The following SCN9A variants were observed in gnomAD, a reference collection of about 807,000 sequenced individuals.
SCN9A encodes the protein sodium channel protein type 9 subunit alpha.
A neutral mutation model predicts 187.0 loss-of-function variants in SCN9A; 131 were observed. The ratio of observed to expected loss-of-function variants is 0.70; its 90% CI spans 0.61 to 0.81. SCN9A has a LOEUF of 0.81. Ranked by LOEUF, SCN9A falls within the 30% of genes least tolerant of loss-of-function variation. The probability of loss-of-function intolerance (pLI) is 0.00; values close to 1 mark genes in which losing one functional copy is unlikely to be tolerated. For missense variants in SCN9A, 2,252 were observed against 2,396.6 expected (o/e 0.94, Z 1.26); for synonymous variants, 809 against 808.6 (o/e 1.00, Z -0.01).
rs1165318441 is a variant in SCN9A, at chr2:166,277,008, A to T, written c.2849T>A (p.Met950Lys). ...CACCAGGTTTCCAATGACCATGACC[A>T]TCATGTAAACAATAAGGCACATAGC... ...GQAMCLIVYM[M>K]VMVIGNLVVL... Residue 950 changes from methionine to lysine, a missense_variant, in exon 16 of 27, where the codon ATG becomes AAG. By Grantham distance (95) the Met-to-Lys change is moderately conservative. Coordinates refer to ENST00000642356, the MANE Select transcript of SCN9A (RefSeq NM_001365536.1). 2.5e-6 allele frequency: 4 copies of T among 1,613,690 alleles called. No individual in the cohort carries two copies. In the South Asian group the frequency reaches 3.3e-5, roughly 13 times the overall value.
intron 26 of SCN9A, 116 bp from the exon 27 acceptor site, chr2:166,199,980 T>TTTTTTTTTTTTTTTTTTTTTTTTTTTC: frequency 4.1e-6 from 1 of 241,832 alleles, no homozygotes; most frequent in African/African-American, 8.2e-5. Context: ...AGACAGTTTT[T>TTTTTTTTTTTTTTTTTTTTTTTTTTTC]TTTTTTTTTT....
chr2:166,198,031 AC>A lies in SCN9A; in HGVS notation c.*640del, dbSNP rs1356370616. 2 of 152,208 alleles carry A rather than the reference AC, an allele frequency of 1.3e-5. No individual in the cohort carries two copies. The highest frequency in any genetic ancestry group is 2.9e-5 in the Non-Finnish European group (2 of 68,022). 9.4% of individuals were successfully genotyped at this position (152,208 alleles called of 1,614,324 possible). A position where few individuals can be genotyped will look rare whatever the true frequency, so the allele number is the denominator to read the frequency against. Reference sequence around the variant, plus strand: ...GCATGTGAGTCAAGATGAATGAAAAACATTTGTAGAAATGAATAGCCTACAT... The same window carrying A: ...GCATGTGAGTCAAGATGAATGAAAAAATTTGTAGAAATGAATAGCCTACAT... On this transcript the variant is annotated 3_prime_UTR_variant, in exon 27 of 27. Transcript: ENST00000642356.
At chr2:166,237,422 T>C (rs1246024674) in intron 20 of SCN9A, among the ~76,000 whole-genome samples, 1 of 152,104 alleles carries the variant, frequency 6.6e-6, no homozygotes, top group East Asian at 1.9e-4. Flanking sequence ...TTGAATTTAT[T>C]ATCTAAAATT....
At chr2:166,371,358 C>T (rs994607531) in intron 1 of SCN9A, among the ~76,000 whole-genome samples, 3 of 152,256 alleles carry the variant, frequency 2.0e-5, no homozygotes, top group African/African-American at 4.8e-5. Flanking sequence ...CTCTTCCTTC[C>T]CCACTTTATC....
chr2:166,297,235 G>T, intron 7 of SCN9A, among the ~76,000 whole-genome samples: 2 of 84,366 alleles, frequency 2.4e-5, no homozygotes, highest in Admixed American at 2.4e-4. Context: ...AAAGAACCAT[G>T]ACTCAGTAAT....
chr2:166,198,708 T>C lies in SCN9A; in HGVS notation c.5931A>G (p.Glu1977=). The C allele has an allele frequency of 6.2e-7, 1 of 1,608,038 alleles. No individual in the cohort carries two copies. Among genetic ancestry groups the C allele is most frequent in the Non-Finnish European group, 8.5e-7 (1 of 1,177,698 alleles). ...EKYEQDRTEK[E]DKGKDSKESK... The stretch of plus-strand genomic sequence containing the variant: ...TTTCCTTGCTGTCTTTCCCTTTGTC[T>C]TCCTTTTCTGTTCTGTCTTGTTCAT... Residue 1977 remains glutamate, a synonymous_variant, in exon 27 of 27, where the codon GAA becomes GAG. Transcript: ENST00000642356.
intron 1 of SCN9A, among the ~76,000 whole-genome samples, chr2:166,324,672 C>G (rs1699322458): frequency 1.3e-5 from 2 of 152,092 alleles, no homozygotes; most frequent in South Asian, 2.1e-4. Flanking sequence ...TGAGAATGGC[C>G]TTTTACATAT....
At chr2:166,245,553 A>G (rs1558979393) in intron 18 of SCN9A, among the ~76,000 whole-genome samples, 1 of 151,956 alleles carries the variant, frequency 6.6e-6, no homozygotes, top group Non-Finnish European at 1.5e-5. Context: ...GAAACATTGA[A>G]AAATTTTAAT....
intron 16 of SCN9A, among the ~76,000 whole-genome samples, chr2:166,273,284 T>C (rs1057386322): frequency 6.6e-6 from 1 of 152,174 alleles, no homozygotes; most frequent in African/African-American, 2.4e-5. Flanking sequence ...GAGAAACAGG[T>C]AGAACAAAAC....
In SCN9A at chr2:166,198,619, A is replaced by G. The variant is rs1693315882; in HGVS notation, c.*53T>C. On this transcript the variant is annotated 3_prime_UTR_variant, in exon 27 of 27. Transcript: ENST00000642356. Reference sequence around the variant, plus strand: ...TAGACTTCCTCAAAAGAGTTTTATTAACACAAATAAATCACTTTCACAGGC... The same window carrying G: ...TAGACTTCCTCAAAAGAGTTTTATTGACACAAATAAATCACTTTCACAGGC... The G allele has an allele frequency of 1.5e-6, 2 of 1,331,208 alleles. No individual in the cohort carries two copies. The highest frequency in any genetic ancestry group is 1.5e-5 in the African/African-American group (1 of 67,578). The allele number at this position is 1,331,208 out of a possible 1,614,324, so 82.5% of individuals were successfully genotyped here. A position where few individuals can be genotyped will look rare whatever the true frequency, so the allele number is the denominator to read the frequency against.
chr2:166,244,606 C>A (rs1023628659), intron 18 of SCN9A, among the ~76,000 whole-genome samples: 1 of 151,936 alleles, frequency 6.6e-6, no homozygotes, highest in African/African-American at 2.4e-5. Flanking sequence ...TCTCTTCTTT[C>A]TGGACGGTGG....
chr2:166,375,231 T>C (rs896979252), intron 1 of SCN9A, among the ~76,000 whole-genome samples: 1 of 152,188 alleles, frequency 6.6e-6, no homozygotes, highest in African/African-American at 2.4e-5. Flanking sequence ...GGTTCTTTTC[T>C]GTCCCCACAG....
At chr2:166,228,516 CA>C (rs1260616125) in intron 22 of SCN9A, among the ~76,000 whole-genome samples, 174 bp downstream of exon 22, 1 of 151,996 alleles carries the variant, frequency 6.6e-6, no homozygotes, top group African/African-American at 2.4e-5. Context: ...CTTGGCCTCC[CA>C]AAGTGAAGAG....
At chr2:166,367,599 T>C (rs1700449818) in intron 1 of SCN9A, among the ~76,000 whole-genome samples, 1 of 152,130 alleles carries the variant, frequency 6.6e-6, no homozygotes, top group Non-Finnish European at 1.5e-5. Flanking sequence ...TCCCTTTTAA[T>C]TACACCATTC....
At position 166,284,718 on chromosome 2, in the gene SCN9A, A is replaced by G. The variant is rs202237830; in HGVS notation, c.1709T>C (p.Phe570Ser). Reference sequence around the variant, plus strand: ...AAAAATGCTGTGCTCATCATCGGCAAATTCAGTCTCAGATCCTATATCTCT... The same window carrying G: ...AAAAATGCTGTGCTCATCATCGGCAGATTCAGTCTCAGATCCTATATCTCT... ...RGRDIGSETE[F>S]ADDEHSIFGD... The change falls in exon 12 of 27, where the codon TTT (phenylalanine) becomes TCT (serine). Residue 570 changes from phenylalanine (F) to serine (S), a missense_variant. By Grantham distance (155) the Phe-to-Ser change is radical (BLOSUM62 -2). This residue lies in a region of SCN9A where 1,013 missense variants were observed against 997.4 expected (regional missense o/e 1.02). Coordinates refer to ENST00000642356, the MANE Select transcript of SCN9A (RefSeq NM_001365536.1). The G allele has an allele frequency of 1.9e-6, 3 of 1,613,976 alleles. No homozygotes were observed. The highest frequency in any genetic ancestry group is 1.7e-6 in the Non-Finnish European group (2 of 1,179,874).
At chr2:166,306,811 T>A (rs900454622) in intron 3 of SCN9A, 145 bp downstream of exon 3, 1 of 639,442 alleles carries the variant, frequency 1.6e-6, no homozygotes, top group East Asian at 2.7e-5. Context: ...CTGAGACCCA[T>A]GACAAATTAT....
chr2:166,356,720 A>G (rs1700158837), intron 1 of SCN9A, among the ~76,000 whole-genome samples: 1 of 152,190 alleles, frequency 6.6e-6, no homozygotes, highest in Non-Finnish European at 1.5e-5. Flanking sequence ...ATAATACCCT[A>G]TATAAACATT....
chr2:166,292,904 G>A lies in SCN9A; in HGVS notation c.1107+327C>T, dbSNP rs148064164. ...CTTCTCTTCAGGCCATCCCAAGCAC[G>A]CATGGAAAACAGTCCATGTGCAGGA... On this transcript the variant is annotated intron_variant, in intron 9 of 26. Coordinates refer to ENST00000642356, the MANE Select transcript of SCN9A (RefSeq NM_001365536.1). Among the ~76,000 whole-genome samples, 413 of 152,210 alleles carry A rather than the reference G, an allele frequency of 2.7e-3. 2 individuals carry two copies. Among genetic ancestry groups the A allele is most frequent in the African/African-American group, 9.4e-3 (390 of 41,534 alleles).
intron 21 of SCN9A, 34 bp downstream of exon 21, chr2:166,233,306 A>T (rs1695177303): frequency 1.4e-6 from 2 of 1,420,972 alleles, no homozygotes; most frequent in Non-Finnish European, 1.9e-6. Context: ...CCCATTAAAA[A>T]ATAAGAACAT....
Sources: gnomAD v4.1 joint callset for allele counts (sites outside exome capture counted in the v4.1 genomes callset) on GRCh38, gnomAD v4.1.1 for gene constraint, gnomAD v4.1.1 regional missense constraint, MANE v1.5 for transcripts, NCBI Gene and HGNC (gene_info 2026-07-23, HGNC 2026-07-21) for gene names.